The following DRC11 variants were observed in gnomAD, a reference collection of about 807,000 sequenced individuals.
DRC11 encodes IQ and AAA domain-containing protein 1.
the DRC11 span, chr2:236,488,195 C>A: frequency 1.3e-6 from 2 of 1,561,812 alleles, no homozygotes; most frequent in Admixed American, 2.0e-5. Context: ...GGTATTTCTG[C>A]AAAAAACAGT....
At chr2:236,431,197 C>G in the DRC11 span, among the ~76,000 whole-genome samples, 1 of 152,170 alleles carries the variant, frequency 6.6e-6, no homozygotes, top group African/African-American at 2.4e-5. The surrounding 1 kb of genome is among the most constrained non-coding windows in gnomAD (Gnocchi z 4.2). Context: ...AATCCCTTTT[C>G]TCTCTCCTTC....
chr2:236,473,400 T>C, the DRC11 span, among the ~76,000 whole-genome samples: 1 of 152,186 alleles, frequency 6.6e-6, no homozygotes, highest in Non-Finnish European at 1.5e-5. This position sits in a 1 kb window ranked among gnomAD's most constrained non-coding sequence, Gnocchi z 4.8. Context: ...ATTGAATGTA[T>C]TGGCCAAAAA....
the DRC11 span, among the ~76,000 whole-genome samples, chr2:236,316,952 C>T: frequency 6.6e-6 from 1 of 152,188 alleles, no homozygotes; most frequent in African/African-American, 2.4e-5. This position sits in a 1 kb window ranked among gnomAD's most constrained non-coding sequence, Gnocchi z 6.8. Flanking sequence ...GAGACAGACA[C>T]AGATGTCCAC....
At chr2:236,373,574 T>C in the DRC11 span, among the ~76,000 whole-genome samples, 14 of 152,264 alleles carry the variant, frequency 9.2e-5, no homozygotes, top group Non-Finnish European at 1.3e-4. Context: ...TAACCTGTTT[T>C]GAAATAGGTT....
chr2:236,397,085 T>A, the DRC11 span, among the ~76,000 whole-genome samples: 1 of 152,218 alleles, frequency 6.6e-6, no homozygotes, highest in Non-Finnish European at 1.5e-5. The surrounding 1 kb of genome is among the most constrained non-coding windows in gnomAD (Gnocchi z 5.0). Flanking sequence ...AGGTGGAGCG[T>A]GCCCAGCCTG....
the DRC11 span, among the ~76,000 whole-genome samples, chr2:236,357,353 GTA>G: frequency 2.6e-3 from 300 of 116,782 alleles, 2 homozygotes; most frequent in African/African-American, 7.6e-3. Flanking sequence ...TATATTATAT[GTA>G]TATATATTAT....
chr2:236,433,983 TA>T, the DRC11 span, among the ~76,000 whole-genome samples: 7 of 152,278 alleles, frequency 4.6e-5, no homozygotes, highest in African/African-American at 1.4e-4. Context: ...GTTAAATTTG[TA>T]AAATGCCTTT....
At chr2:236,441,114 C>T in the DRC11 span, 48 of 1,556,894 alleles carry the variant, frequency 3.1e-5, no homozygotes, top group Middle Eastern at 1.7e-4. Flanking sequence ...GGAAATGTCC[C>T]GGTTAAATTT....
chr2:236,393,500 A>G, the DRC11 span, among the ~76,000 whole-genome samples: 1 of 152,188 alleles, frequency 6.6e-6, no homozygotes, highest in South Asian at 2.1e-4. The surrounding 1 kb of genome is among the most constrained non-coding windows in gnomAD (Gnocchi z 4.7). Context: ...CACAGACAGA[A>G]GCACAAATCT....
At chr2:236,336,620 C>T in the DRC11 span, among the ~76,000 whole-genome samples, 3 of 152,142 alleles carry the variant, frequency 2.0e-5, no homozygotes, top group Admixed American at 2.0e-4. This position sits in a 1 kb window ranked among gnomAD's most constrained non-coding sequence, Gnocchi z 7.3. Context: ...CACCCTATCT[C>T]CCGCCTCCTC....
At chr2:236,314,047 T>C in the DRC11 span, among the ~76,000 whole-genome samples, 2 of 152,150 alleles carry the variant, frequency 1.3e-5, no homozygotes, top group Non-Finnish European at 2.9e-5. The surrounding 1 kb of genome is among the most constrained non-coding windows in gnomAD (Gnocchi z 4.5). Context: ...TACATATGCA[T>C]ATACACACAC....
the DRC11 span, among the ~76,000 whole-genome samples, chr2:236,373,849 C>T: frequency 6.0e-4 from 92 of 152,258 alleles, no homozygotes; most frequent in African/African-American, 2.1e-3. Flanking sequence ...TGGTCCCCTC[C>T]CCTAATTTCT....
chr2:236,329,290 GA>G, the DRC11 span, among the ~76,000 whole-genome samples: 6 of 152,162 alleles, frequency 3.9e-5, no homozygotes, highest in African/African-American at 1.4e-4. Context: ...AGGTTCCAGG[GA>G]TGAGGATGTA....
chr2:236,494,000 A>C, the DRC11 span: 1 of 866,686 alleles, frequency 1.2e-6, no homozygotes, highest in Non-Finnish European at 1.6e-6. Context: ...TTTACTTCCC[A>C]TTTTCATTTA....
chr2:236,488,981 G>C, the DRC11 span, among the ~76,000 whole-genome samples: 6 of 150,996 alleles, frequency 4.0e-5, no homozygotes, highest in East Asian at 1.2e-3. Context: ...GTGGGCTCCG[G>C]GTGCATGCTG....
chr2:236,389,511 C>G, the DRC11 span, among the ~76,000 whole-genome samples: 1 of 152,232 alleles, frequency 6.6e-6, no homozygotes, highest in Non-Finnish European at 1.5e-5. Context: ...ATGCCTCGCC[C>G]TGCTTCGGCT....
At chr2:236,432,282 T>C in the DRC11 span, among the ~76,000 whole-genome samples, 1 of 152,318 alleles carries the variant, frequency 6.6e-6, no homozygotes, top group Admixed American at 6.5e-5. Context: ...GTTTGTCTTC[T>C]TATTGAGGTG....
chr2:236,444,511 C>T, the DRC11 span, among the ~76,000 whole-genome samples: 1 of 152,178 alleles, frequency 6.6e-6, no homozygotes, highest in African/African-American at 2.4e-5. Flanking sequence ...CTGGGACACA[C>T]TTTGAGAGCC....
the DRC11 span, among the ~76,000 whole-genome samples, chr2:236,358,261 AAT>A: frequency 7.6e-6 from 1 of 132,172 alleles, no homozygotes; most frequent in East Asian, 2.2e-4. Context: ...ATACTATATG[AAT>A]ATATAATATA....
Sources: allele counts gnomAD v4.1 joint callset (sites outside exome capture counted in the v4.1 genomes callset), GRCh38; gene constraint gnomAD v4.1.1; non-coding constraint Gnocchi (gnomAD v3.1); transcripts MANE v1.5; gene names NCBI Gene and HGNC (gene_info 2026-07-23, HGNC 2026-07-21).